Variants in MYT1L observed in about 807,000 individuals in gnomAD.
The protein encoded by MYT1L is myelin transcription factor 1 like.
MYT1L carries 12 observed loss-of-function variants against 126.7 expected under a neutral mutation model. The observed-to-expected ratio is 0.09, with a 90% CI of 0.06 to 0.15. The LOEUF is 0.15. Among genes scored for constraint, MYT1L ranks in the 10% least tolerant of loss-of-function variants. The pLI is 1.00. For missense variants in MYT1L, 979 were observed against 1,585.2 expected (o/e 0.62, Z 6.49); for synonymous variants, 541 against 604.2 (o/e 0.90, Z 1.53).
At position 1,791,795 on chromosome 2, in the gene MYT1L, T is replaced by C; in HGVS notation, c.*72A>G. ...AAACAGAAATAAATATAGAACACTT[T>C]CTGGTAAGTTACAGCAGCAAAAAAC... is the stretch of plus-strand genomic sequence containing the variant. On this transcript the variant is annotated 3_prime_UTR_variant, in exon 25 of 25. Coordinates refer to ENST00000647738, the MANE Select transcript of MYT1L (RefSeq NM_001303052.2). This position sits in a 1 kb window ranked among gnomAD's most constrained non-coding sequence, Gnocchi z 6.0. 3 of 1,368,694 alleles carry C rather than the reference T, an allele frequency of 2.2e-6. No homozygotes were observed. Among genetic ancestry groups the C allele is most frequent in the Non-Finnish European group, 2.9e-6 (3 of 1,022,188 alleles). The allele number at this position is 1,368,694 out of a possible 1,614,324, so 84.8% of individuals were successfully genotyped here. A position where few individuals can be genotyped will look rare whatever the true frequency, so the allele number is the denominator to read the frequency against.
chr2:1,808,354 C>T (rs2036050041), intron 22 of MYT1L, among the ~76,000 whole-genome samples: 1 of 152,204 alleles, frequency 6.6e-6, no homozygotes, highest in Admixed American at 6.5e-5. Flanking sequence ...AGCCCCCTGC[C>T]CTTAGGAACA....
chr2:1,835,527 G>T (rs1478423780), intron 21 of MYT1L, among the ~76,000 whole-genome samples: 1 of 152,174 alleles, frequency 6.6e-6, no homozygotes, highest in Non-Finnish European at 1.5e-5. Context: ...CCTGAAGATG[G>T]GTGAGATGGT....
At chr2:2,019,785 A>C (rs1459832213) in intron 4 of MYT1L, among the ~76,000 whole-genome samples, 2 of 151,750 alleles carry the variant, frequency 1.3e-5, no homozygotes, top group East Asian at 3.9e-4. Flanking sequence ...CATAAATGTT[A>C]TACTGTAAAT....
intron 3 of MYT1L, among the ~76,000 whole-genome samples, chr2:2,108,996 C>T (rs560866612): frequency 6.6e-6 from 1 of 152,320 alleles, no homozygotes; most frequent in East Asian, 1.9e-4. Context: ...TGGCCACTCC[C>T]TGTCTATACC....
At chr2:1,907,163 T>C (rs1432250045) in intron 13 of MYT1L, among the ~76,000 whole-genome samples, 1 of 150,482 alleles carries the variant, frequency 6.6e-6, no homozygotes, top group Non-Finnish European at 1.5e-5. Flanking sequence ...ATGGGTGATG[T>C]GATCATATTT....
At chr2:2,005,950 T>C (rs918332744) in intron 4 of MYT1L, among the ~76,000 whole-genome samples, 2 of 151,336 alleles carry the variant, frequency 1.3e-5, no homozygotes, top group African/African-American at 4.9e-5. Flanking sequence ...ATGTGTTCTT[T>C]CCTGAATGCG....
At chr2:2,198,419 G>C (rs1432154668) in intron 2 of MYT1L, among the ~76,000 whole-genome samples, 1 of 151,948 alleles carries the variant, frequency 6.6e-6, no homozygotes, top group African/African-American at 2.4e-5. Context: ...AGAAGATTTA[G>C]AATATTATTA....
At chr2:2,327,380 G>C (rs548409863) in intron 1 of MYT1L, among the ~76,000 whole-genome samples, 1 of 152,206 alleles carries the variant, frequency 6.6e-6, no homozygotes, top group East Asian at 1.9e-4. Context: ...ATGAAACTTA[G>C]CTTGGTGAAA....
intron 3 of MYT1L, among the ~76,000 whole-genome samples, chr2:2,160,076 C>T (rs760841917): frequency 5.3e-5 from 8 of 152,124 alleles, no homozygotes; most frequent in Non-Finnish European, 7.3e-5. Context: ...ATAGTATCAA[C>T]CTCATGGGGT....
intron 18 of MYT1L, among the ~76,000 whole-genome samples, chr2:1,875,913 C>A (rs371669392): frequency 1.3e-5 from 2 of 152,158 alleles, no homozygotes; most frequent in Non-Finnish European, 2.9e-5. Context: ...TGAAAGTGGG[C>A]CCCTATCTCT....
At chr2:2,112,588 C>T (rs1209011415) in intron 3 of MYT1L, among the ~76,000 whole-genome samples, 2 of 152,200 alleles carry the variant, frequency 1.3e-5, no homozygotes, top group East Asian at 3.9e-4. Flanking sequence ...TATCTGATGC[C>T]CTGGAGTCTT....
At chr2:2,039,194 A>G (rs753504235) in intron 4 of MYT1L, among the ~76,000 whole-genome samples, 9 of 152,210 alleles carry the variant, frequency 5.9e-5, no homozygotes, top group Middle Eastern at 3.4e-3. Context: ...ACTCTCTCAC[A>G]TGTATTGTGG....
intron 18 of MYT1L, among the ~76,000 whole-genome samples, chr2:1,857,932 G>C (rs1392082872): frequency 6.6e-6 from 1 of 151,764 alleles, no homozygotes; most frequent in Non-Finnish European, 1.5e-5. Context: ...GTGCAATCTC[G>C]GCTCACTGCA....
At chr2:2,069,288 G>A (rs2074296073) in intron 3 of MYT1L, among the ~76,000 whole-genome samples, 1 of 151,990 alleles carries the variant, frequency 6.6e-6, no homozygotes, top group Non-Finnish European at 1.5e-5. Context: ...TGTTCTCATT[G>A]TTCAACTCCC....
chr2:1,982,852 T>C (rs1399086058), intron 5 of MYT1L, among the ~76,000 whole-genome samples: 2 of 152,206 alleles, frequency 1.3e-5, no homozygotes, highest in Admixed American at 1.3e-4. Flanking sequence ...TTTCTCTTGC[T>C]GTAGTTTAGG....
At chr2:2,016,165 C>T (rs150959054) in intron 4 of MYT1L, among the ~76,000 whole-genome samples, 141 of 152,318 alleles carry the variant, frequency 9.3e-4, no homozygotes, top group African/African-American at 3.0e-3. Flanking sequence ...CAGGGGACAA[C>T]GCTGTGGTGA....
chr2:2,115,674 C>A (rs1467033709), intron 3 of MYT1L, among the ~76,000 whole-genome samples: 1 of 152,262 alleles, frequency 6.6e-6, no homozygotes, highest in Non-Finnish European at 1.5e-5. Flanking sequence ...ATGCCCCTGC[C>A]TTTCTGTGGC....
rs1373558318 is a variant in MYT1L at position 1,979,725 on chromosome 2, C to T, written c.53G>A (p.Arg18Gln). Residue 18 changes from arginine (R) to glutamine (Q), a missense_variant and splice_region_variant, in exon 6 of 25, where the codon CGA (arginine) becomes CAA (glutamine). Transcript: ENST00000647738. This position sits in a 1 kb window ranked among gnomAD's most constrained non-coding sequence, Gnocchi z 4.0. Reference protein sequence around the residue: ...KRHRTRSKGVRVPVEPAIQEL... With the variant: ...KRHRTRSKGVQVPVEPAIQEL... ...GATGCAGGGAAGCGCGGACATACCT[C>T]GAACCCCTTTGGACCGCGTGCGATG... 13 of 1,613,880 alleles carry T rather than the reference C, an allele frequency of 8.1e-6. No individual in the cohort carries two copies. Among genetic ancestry groups the T allele is most frequent in the Non-Finnish European group, 1.1e-5 (13 of 1,179,904 alleles).
chr2:2,069,716 C>A (rs540718036), intron 3 of MYT1L, among the ~76,000 whole-genome samples: 1 of 151,952 alleles, frequency 6.6e-6, no homozygotes, highest in Non-Finnish European at 1.5e-5. Context: ...TGTTTCTTCA[C>A]ATCCTCTCCA....
Sources: gnomAD v4.1 joint callset for allele counts (sites outside exome capture counted in the v4.1 genomes callset) on GRCh38, gnomAD v4.1.1 for gene constraint, Gnocchi (gnomAD v3.1) non-coding constraint, MANE v1.5 for transcripts, NCBI Gene and HGNC (gene_info 2026-07-23, HGNC 2026-07-21) for gene names.